SPECC1L: variants seen among roughly 807,000 people sequenced by gnomAD.
SPECC1L encodes the protein cytospin-A.
A neutral mutation model predicts 116.8 loss-of-function variants in SPECC1L; 40 were observed. The observed-to-expected ratio is 0.34, with a 90% CI of 0.27 to 0.45. The LOEUF (loss-of-function observed/expected upper bound fraction) is 0.45. SPECC1L is among the 20% of genes least tolerant of loss of function. The pLI is 1.00. For missense variants in SPECC1L, 1,110 were observed against 1,373.6 expected, an observed-to-expected ratio of 0.81 and a Z score of 3.03; for synonymous variants, 504 against 500.6, an observed-to-expected ratio of 1.01 and a Z score of -0.09.
At chr22:24,316,874 A>C (rs1366902264) in intron 4 of SPECC1L, among the ~76,000 whole-genome samples, 2 of 109,796 alleles carry the variant, frequency 1.8e-5, no homozygotes, top group Non-Finnish European at 2.0e-5. Flanking sequence ...GGCGCCCCTC[A>C]CCTCCTGGAT....
At chr22:24,301,817 C>A (rs540834827) in intron 2 of SPECC1L, among the ~76,000 whole-genome samples, 1 of 152,196 alleles carries the variant, frequency 6.6e-6, no homozygotes, top group East Asian at 1.9e-4. Context: ...GAGGCTGAGG[C>A]GAGTGGATCA....
intron 3 of SPECC1L, among the ~76,000 whole-genome samples, chr22:24,312,235 C>G (rs1375400959): frequency 6.6e-6 from 1 of 152,184 alleles, no homozygotes; most frequent in Non-Finnish European, 1.5e-5. Context: ...TCCCAAAATG[C>G]TAAGATTACA....
In SPECC1L at chr22:24,276,664, T is replaced by G. The variant is rs62233065; in HGVS notation, c.-141-36T>G. On this transcript the variant is annotated intron_variant, in intron 1 of 16. Transcript: ENST00000314328. ...CAAGAAAAAGAAATATCTGCTAAAA[T>G]TTAAAGCTATTCTATTCTTCCTCTC... The G allele has an allele frequency of 1.0e-2, 3,824 of 383,058 alleles. 41 individuals are homozygous for G. The highest frequency in any genetic ancestry group is 0.02 in the South Asian group (1,098 of 54,318). The allele number at this position is 383,058 out of a possible 1,614,324, so 23.7% of individuals were successfully genotyped here. A position where few individuals can be genotyped will look rare whatever the true frequency, so the allele number is the denominator to read the frequency against.
rs201423630 is a variant in SPECC1L, at chr22:24,270,875, T to C, written c.-250T>C. Reference sequence around the variant, plus strand: ...CGGCCCGGCAAGCGGCGCTGCGGGGTAGGCTGCTTTCCTGAGGCCGGACTC... The same window carrying C: ...CGGCCCGGCAAGCGGCGCTGCGGGGCAGGCTGCTTTCCTGAGGCCGGACTC... On this transcript the variant is annotated 5_prime_UTR_variant, in exon 1 of 17. Coordinates refer to ENST00000314328, the MANE Select transcript of SPECC1L (RefSeq NM_015330.6). The C allele has an allele frequency of 6.6e-6, 1 of 151,974 alleles. No individual in the cohort carries two copies. The allele number at this position is 151,974 out of a possible 1,614,324, so 9.4% of individuals were successfully genotyped here. A position where few individuals can be genotyped will look rare whatever the true frequency, so the allele number is the denominator to read the frequency against.
chr22:24,386,944 T>C (rs1323331956), intron 14 of SPECC1L, among the ~76,000 whole-genome samples: 1 of 152,156 alleles, frequency 6.6e-6, no homozygotes, highest in Admixed American at 6.5e-5. Context: ...AAATAAATTA[T>C]AGCCAGGCTT....
intron 3 of SPECC1L, among the ~76,000 whole-genome samples, chr22:24,303,268 T>A (rs1023509430): frequency 1.3e-5 from 2 of 152,140 alleles, no homozygotes; most frequent in African/African-American, 2.4e-5. Context: ...TATTCTAAGG[T>A]TGTTGGAACT....
rs772143480 is a variant in SPECC1L at position 24,324,267 on chromosome 22, T to G, written c.1986T>G (p.Ile662Met). The change falls in exon 6 of 17, where the codon ATT becomes ATG. Residue 662 changes from isoleucine to methionine, a missense_variant. Physicochemically the swap from Ile to Met is conservative, Grantham distance 10 (BLOSUM62 1). Coordinates refer to ENST00000314328, the MANE Select transcript of SPECC1L (RefSeq NM_015330.6). ...TCCAAGAAGAAGCTAAGAAACAAAT[T>G]GAAGATTTGAATATGACGTTAGAAA... ...RAFQEEAKKQ[I>M]EDLNMTLEKL... is the part of the protein sequence containing the mutation. 8 of 1,613,896 alleles carry G rather than the reference T, an allele frequency of 5.0e-6. No homozygotes were observed. Among genetic ancestry groups the G allele is most frequent in the Non-Finnish European group, 6.8e-6 (8 of 1,179,962 alleles).
intron 3 of SPECC1L, chr22:24,304,504 C>G (rs950800137): frequency 6.6e-6 from 1 of 152,252 alleles, no homozygotes; most frequent in African/African-American, 2.4e-5. Flanking sequence ...TGTCATTGGG[C>G]TTGCAGCCTT....
At chr22:24,277,832 G>A (rs562766716) in intron 2 of SPECC1L, among the ~76,000 whole-genome samples, 1 of 152,328 alleles carries the variant, frequency 6.6e-6, no homozygotes, top group African/African-American at 2.4e-5. Context: ...ATGCTACTGT[G>A]AACAAGTGTG....
intron 14 of SPECC1L, among the ~76,000 whole-genome samples, chr22:24,394,853 C>T (rs977174334): frequency 6.6e-6 from 1 of 152,162 alleles, no homozygotes; most frequent in Admixed American, 6.5e-5. Context: ...TTTTTTGAGA[C>T]AGGGTCTCAC....
intron 11 of SPECC1L, among the ~76,000 whole-genome samples, chr22:24,361,472 C>G (rs2041642148): frequency 6.6e-6 from 1 of 152,124 alleles, no homozygotes; most frequent in African/African-American, 2.4e-5. Context: ...GCCAACATGG[C>G]AAAACCCTGT....
chr22:24,338,487 T>C lies in SPECC1L; in HGVS notation c.2652+10T>C. The stretch of plus-strand genomic sequence containing the variant: ...TGTGTCCCCTATGCAGGTGAGTGCC[T>C]GGAACCACAGGAGGCTCTTAGAGCC... On this transcript the variant is annotated intron_variant, in intron 10 of 16. Coordinates refer to ENST00000314328, the MANE Select transcript of SPECC1L (RefSeq NM_015330.6). The C allele has an allele frequency of 1.2e-6, 2 of 1,613,290 alleles. No homozygotes were observed. Among genetic ancestry groups the C allele is most frequent in the Non-Finnish European group, 1.7e-6 (2 of 1,179,292 alleles).
chr22:24,271,174 G>T (rs544923436), intron 1 of SPECC1L, among the ~76,000 whole-genome samples, 191 bp downstream of exon 1: 4 of 152,238 alleles, frequency 2.6e-5, no homozygotes, highest in African/African-American at 7.2e-5. Flanking sequence ...TCCTCGTTCT[G>T]GGCTTCGGGG....
At chr22:24,320,745 T>C (rs1172450639) in intron 4 of SPECC1L, among the ~76,000 whole-genome samples, 1 of 152,246 alleles carries the variant, frequency 6.6e-6, no homozygotes, top group African/African-American at 2.4e-5. Flanking sequence ...TTTATGGTGT[T>C]AAAACTATTT....
chr22:24,321,457 T>A lies in SPECC1L; in HGVS notation c.477T>A (p.Ala159=), dbSNP rs140231426. 6.2e-7 allele frequency: 1 copy of A among 1,614,152 alleles called. No homozygotes were observed. The highest frequency in any genetic ancestry group is 8.5e-7 in the Non-Finnish European group (1 of 1,180,060). Residue 159 remains alanine (A), a synonymous_variant, in exon 5 of 17, where the codon GCT becomes GCA. Transcript: ENST00000314328. ...ALAKRSRSRT[A]TECDVRMSKS... is the part of the protein sequence containing the mutation. ...CCAAACGTTCCCGCAGTCGAACTGC[T>A]ACAGAATGTGACGTTCGTATGAGCA... is the stretch of plus-strand genomic sequence containing the variant.
chr22:24,298,350 G>A (rs1601515279), intron 2 of SPECC1L, among the ~76,000 whole-genome samples: 1 of 152,234 alleles, frequency 6.6e-6, no homozygotes, highest in East Asian at 1.9e-4. Flanking sequence ...TTTATGTATA[G>A]GCAAAAACAT....
At chr22:24,318,304 C>T (rs1021694233) in intron 4 of SPECC1L, among the ~76,000 whole-genome samples, 6 of 152,200 alleles carry the variant, frequency 3.9e-5, no homozygotes, top group Admixed American at 3.3e-4. Flanking sequence ...AGATCACTCG[C>T]GGTTAGGAGC....
At chr22:24,286,015 A>T (rs1356736969) in intron 2 of SPECC1L, among the ~76,000 whole-genome samples, 1 of 152,258 alleles carries the variant, frequency 6.6e-6, no homozygotes, top group Non-Finnish European at 1.5e-5. Flanking sequence ...TTTAAGCTAA[A>T]ATAATCAAGT....
chr22:24,270,871 G>C lies in SPECC1L; in HGVS notation c.-254G>C, dbSNP rs1394641488. The C allele has an allele frequency of 1.3e-5, 2 of 152,380 alleles. No individual in the cohort carries two copies. Among genetic ancestry groups the C allele is most frequent in the Non-Finnish European group, 2.9e-5 (2 of 68,198 alleles). 9.4% of individuals were successfully genotyped at this position (152,380 alleles called of 1,614,324 possible). On this transcript the variant is annotated 5_prime_UTR_variant, in exon 1 of 17. Coordinates refer to ENST00000314328, the MANE Select transcript of SPECC1L (RefSeq NM_015330.6). ...CGGGCGGCCCGGCAAGCGGCGCTGC[G>C]GGGTAGGCTGCTTTCCTGAGGCCGG...
Sources: gnomAD v4.1 joint callset for allele counts (sites outside exome capture counted in the v4.1 genomes callset) on GRCh38, gnomAD v4.1.1 for gene constraint, MANE v1.5 for transcripts, NCBI Gene and HGNC (gene_info 2026-07-23, HGNC 2026-07-21) for gene names.